Variants in PAPPA2 observed in about 807,000 individuals in gnomAD.
PAPPA2 encodes the protein pappalysin-2.
Under a neutral mutation model 176.4 loss-of-function variants are expected in PAPPA2, and 86 were observed. The observed-to-expected ratio is 0.49, with a 90% confidence interval of 0.41 to 0.58. The LOEUF (loss-of-function observed/expected upper bound fraction) is 0.58, where lower values mean the gene tolerates loss of function less well. PAPPA2 is among the 20% of genes least tolerant of loss of function. The pLI is 0.00. For missense variants in PAPPA2, 2,073 were observed against 2,256.9 expected (o/e 0.92, Z 1.65); for synonymous variants, 809 against 852.2 (o/e 0.95, Z 0.88).
At position 176,818,941 on chromosome 1, in the gene PAPPA2, T is replaced by C. The variant is rs1571373489; in HGVS notation, c.5202+18809T>C. Reference sequence around the variant, plus strand: ...TCCCAATTCCCTTATACTGGCCCTATTATTTAGTAGAATTATCACTTTCTA... The same window carrying C: ...TCCCAATTCCCTTATACTGGCCCTACTATTTAGTAGAATTATCACTTTCTA... On this transcript the variant is annotated intron_variant, in intron 21 of 22. Transcript: ENST00000367662. Among the ~76,000 whole-genome samples, 4 of 152,336 alleles carry C rather than the reference T, an allele frequency of 2.6e-5. No homozygotes were observed. In the South Asian group the frequency reaches 6.2e-4, roughly 24 times the overall value.
At chr1:176,782,753 AAG>A (rs1664775159) in intron 17 of PAPPA2, among the ~76,000 whole-genome samples, 1 of 152,322 alleles carries the variant, frequency 6.6e-6, no homozygotes, top group African/African-American at 2.4e-5. Context: ...ATCCTAACAG[AAG>A]CAATTGAAAT....
chr1:176,471,188 C>G (rs1193488346), intron 1 of PAPPA2, among the ~76,000 whole-genome samples: 1 of 152,094 alleles, frequency 6.6e-6, no homozygotes, highest in African/African-American at 2.4e-5. Flanking sequence ...ACGGTGGATT[C>G]TGAGCTTGAC....
At chr1:176,609,204 G>C (rs1654774958) in intron 3 of PAPPA2, among the ~76,000 whole-genome samples, 1 of 152,184 alleles carries the variant, frequency 6.6e-6, no homozygotes, top group Admixed American at 6.5e-5. Flanking sequence ...TTTTGCTCCA[G>C]CGTAGTCACA....
intron 22 of PAPPA2, 27 bp from the exon 23 acceptor site, chr1:176,842,353 A>G (rs1245681391): frequency 3.4e-5 from 55 of 1,598,332 alleles, no homozygotes; most frequent in Non-Finnish European, 4.6e-5. Context: ...GAAATGAGCT[A>G]TTTCTACTTC....
intron 3 of PAPPA2, among the ~76,000 whole-genome samples, chr1:176,635,715 A>G (rs1432845347): frequency 1.3e-5 from 2 of 152,012 alleles, no homozygotes; most frequent in Admixed American, 6.6e-5. Context: ...TTTTTAACTA[A>G]ATGAATTAAA....
chr1:176,742,214 G>A (rs1346976778), intron 14 of PAPPA2, among the ~76,000 whole-genome samples: 5 of 152,100 alleles, frequency 3.3e-5, no homozygotes, highest in Admixed American at 3.3e-4. Flanking sequence ...AATATCTACA[G>A]AAGGCCTAGC....
At chr1:176,578,532 G>A (rs1215156259) in intron 2 of PAPPA2, among the ~76,000 whole-genome samples, 1 of 152,140 alleles carries the variant, frequency 6.6e-6, no homozygotes, top group Non-Finnish European at 1.5e-5. Context: ...TGTTCCTGTG[G>A]TAAATTCATA....
intron 2 of PAPPA2, among the ~76,000 whole-genome samples, chr1:176,575,109 G>A (rs79472249): frequency 9.9e-4 from 150 of 152,230 alleles, no homozygotes; most frequent in African/African-American, 3.5e-3. Flanking sequence ...TTGCTGGATG[G>A]CCAAGGAAGC....
intron 6 of PAPPA2, 26 bp from the exon 7 acceptor site, chr1:176,695,705 TCATCTCC>T: frequency 6.2e-7 from 1 of 1,611,786 alleles, no homozygotes; most frequent in Non-Finnish European, 8.5e-7. Flanking sequence ...TGGACTCTCC[TCATCTCC>T]CATCTCCATC....
chr1:176,819,578 T>C (rs1666572294), intron 21 of PAPPA2, among the ~76,000 whole-genome samples: 1 of 152,192 alleles, frequency 6.6e-6, no homozygotes, highest in Non-Finnish European at 1.5e-5. Context: ...TCAAATGAGA[T>C]AATGTTTGTG....
At chr1:176,835,228 G>T (rs561704620) in intron 21 of PAPPA2, among the ~76,000 whole-genome samples, 23 of 152,254 alleles carry the variant, frequency 1.5e-4, no homozygotes, top group African/African-American at 5.3e-4. Context: ...CTGTTCCCAG[G>T]ATTGCTACTA....
chr1:176,486,848 T>A (rs1652667202), intron 1 of PAPPA2, among the ~76,000 whole-genome samples: 3 of 152,138 alleles, frequency 2.0e-5, no homozygotes, highest in Admixed American at 2.0e-4. Context: ...CGTGAGGACT[T>A]CTGAAGAAGG....
At chr1:176,481,072 G>A (rs1159773751) in intron 1 of PAPPA2, among the ~76,000 whole-genome samples, 1 of 152,158 alleles carries the variant, frequency 6.6e-6, no homozygotes, top group Non-Finnish European at 1.5e-5. Context: ...GTGAAAGAGG[G>A]GAGGGTTTCT....
chr1:176,838,031 T>C (rs901626132), intron 21 of PAPPA2, among the ~76,000 whole-genome samples: 2 of 152,186 alleles, frequency 1.3e-5, no homozygotes, highest in Non-Finnish European at 2.9e-5. Flanking sequence ...TCTGTATTTC[T>C]TCTCTTTTCT....
At position 176,560,400 on chromosome 1, in the gene PAPPA2, C is replaced by T. The variant is rs147473285; in HGVS notation, c.919+3159C>T. On this transcript the variant is annotated intron_variant, in intron 2 of 22. Transcript: ENST00000367662. ...GAGCTCACAGGCTTTGGGTGCTGAA[C>T]GTCTCTCTGGCCCTCAGAAGGCGAG... Among the ~76,000 whole-genome samples, 1,214 of 152,332 alleles carry T rather than the reference C, an allele frequency of 8.0e-3. 6 individuals are homozygous for T. Among genetic ancestry groups the T allele is most frequent in the Non-Finnish European group, 0.013 (908 of 68,032 alleles).
At chr1:176,657,193 C>T (rs1658081192) in intron 3 of PAPPA2, among the ~76,000 whole-genome samples, 1 of 151,844 alleles carries the variant, frequency 6.6e-6, no homozygotes, top group African/African-American at 2.4e-5. Flanking sequence ...GAAAGCCTTC[C>T]CAGAATTGAC....
In PAPPA2 at chr1:176,829,303, T is replaced by A. The variant is rs182657227; in HGVS notation, c.5203-10870T>A. Among the ~76,000 whole-genome samples, 911 of 148,530 alleles carry A rather than the reference T, an allele frequency of 6.1e-3. 10 individuals carry two copies. The highest frequency in any genetic ancestry group is 0.021 in the African/African-American group (844 of 40,614). On this transcript the variant is annotated intron_variant, in intron 21 of 22. Transcript: ENST00000367662. ...GAGAGAATGGGGAAAAAAAAAAAGATGCTCAGCAAACAGCAGGAGGGCCAA... is the reference window on the plus strand; with the variant it reads ...GAGAGAATGGGGAAAAAAAAAAAGAAGCTCAGCAAACAGCAGGAGGGCCAA...
At chr1:176,553,677 G>A (rs1651099138) in intron 1 of PAPPA2, 1 of 152,022 alleles carries the variant, frequency 6.6e-6, no homozygotes, top group African/African-American at 2.4e-5. Flanking sequence ...ATTAAAAGGG[G>A]GAGAAAAGCA....
rs376721231 is a variant in PAPPA2 at position 176,690,224 on chromosome 1, A to C, written c.2225A>C (p.Tyr742Ser). The C allele has an allele frequency of 6.2e-7, 1 of 1,613,906 alleles. No individual in the cohort carries two copies. Among genetic ancestry groups the C allele is most frequent in the Non-Finnish European group, 8.5e-7 (1 of 1,179,990 alleles). Residue 742 changes from tyrosine (Y) to serine (S), a missense_variant, in exon 5 of 23, where the codon TAC becomes TCC. By Grantham distance (144) the Tyr-to-Ser change is moderately radical. This residue lies in a region of PAPPA2 where 1,196 missense variants were observed against 1,330.4 expected (regional missense o/e 0.90). Transcript: ENST00000367662. ...IHEVGHVLGL[Y>S]HVFKGVSERE... The stretch of plus-strand genomic sequence containing the variant: ...GAAGTGGGACATGTTCTGGGACTCT[A>C]CCATGTCTTTAAAGGAGTCAGTGAA...
Sources: allele counts gnomAD v4.1 joint callset (sites outside exome capture counted in the v4.1 genomes callset), GRCh38; gene constraint gnomAD v4.1.1; regional missense constraint gnomAD v4.1.1; transcripts MANE v1.5; gene names NCBI Gene and HGNC (gene_info 2026-07-23, HGNC 2026-07-21).